Variants in GRIK1 observed in about 807,000 individuals in gnomAD.
GRIK1 encodes the protein glutamate ionotropic receptor kainate type subunit 1.
Under a neutral mutation model 105.7 loss-of-function variants are expected in GRIK1, and 69 were observed. The observed-to-expected ratio is 0.65, with a 90% CI of 0.54 to 0.80. The LOEUF (loss-of-function observed/expected upper bound fraction) is 0.80, where lower values mean the gene tolerates loss of function less well. Among genes scored for constraint, GRIK1 ranks in the 30% least tolerant of loss-of-function variants. The pLI, the probability that GRIK1 is intolerant of heterozygous loss-of-function variation, is 0.00. For synonymous variants in GRIK1, 438 were observed against 431.3 expected, an observed-to-expected ratio of 1.02 and a Z score of -0.19; for missense variants, 1,109 against 1,167.3, an observed-to-expected ratio of 0.95 and a Z score of 0.73.
Position 29,726,619 on chromosome 21 carries a change from A to G in GRIK1, c.119-32556T>C, listed in dbSNP as rs188258723. Among the ~76,000 whole-genome samples the G allele has an allele frequency of 7.2e-5, 11 of 152,200 alleles. No homozygotes were observed. The East Asian group carries it at 2.1e-3, about 29-fold the overall frequency. ...CTCTCTATATAGTTTTATATAATTT[A>G]TTATTCATAAAACAACATTGTAATC... On this transcript the variant is annotated intron_variant, in intron 1 of 17. Coordinates refer to ENST00000327783, the MANE Select transcript of GRIK1 (RefSeq NM_001330994.2).
chr21:29,726,769 T>G (rs1483855365), intron 1 of GRIK1, among the ~76,000 whole-genome samples: 1 of 151,812 alleles, frequency 6.6e-6, no homozygotes, highest in African/African-American at 2.4e-5. Context: ...TTACAATTGT[T>G]ATTGGTACAT....
At chr21:29,756,527 A>G (rs553845556) in intron 1 of GRIK1, among the ~76,000 whole-genome samples, 6 of 152,326 alleles carry the variant, frequency 3.9e-5, no homozygotes, top group South Asian at 2.1e-4. Context: ...GAGGAGCTCC[A>G]GAAAAACCCA....
At chr21:29,668,224 G>A (rs1304604904) in intron 4 of GRIK1, among the ~76,000 whole-genome samples, 2 of 152,214 alleles carry the variant, frequency 1.3e-5, no homozygotes, top group African/African-American at 4.8e-5. Context: ...AACTTACAGT[G>A]TAGTAAAGGA....
chr21:29,693,590 G>A (rs1327601664), intron 2 of GRIK1, among the ~76,000 whole-genome samples: 1 of 152,066 alleles, frequency 6.6e-6, no homozygotes, highest in Admixed American at 6.6e-5. Flanking sequence ...ATTTCATGGT[G>A]GTATCTCAGC....
At chr21:29,675,989 A>C (rs2063258587) in intron 3 of GRIK1, among the ~76,000 whole-genome samples, 1 of 152,198 alleles carries the variant, frequency 6.6e-6, no homozygotes, top group Non-Finnish European at 1.5e-5. Context: ...GAGAAAGAAC[A>C]TTTCTAGACC....
intron 4 of GRIK1, among the ~76,000 whole-genome samples, chr21:29,656,823 AC>A (rs1344472089): frequency 1.3e-5 from 2 of 152,226 alleles, no homozygotes; most frequent in African/African-American, 4.8e-5. Context: ...CTTCTCAACA[AC>A]GTCTCTACTA....
chr21:29,786,731 AG>A (rs2066270870), intron 1 of GRIK1, among the ~76,000 whole-genome samples: 1 of 152,168 alleles, frequency 6.6e-6, no homozygotes, highest in African/African-American at 2.4e-5. Context: ...GCTTCCTCAA[AG>A]CACTCGCCAG....
intron 7 of GRIK1, among the ~76,000 whole-genome samples, chr21:29,619,307 T>C (rs964027332): frequency 1.4e-5 from 2 of 141,762 alleles, no homozygotes; most frequent in Non-Finnish European, 3.1e-5. Flanking sequence ...TCTGGCAGCG[T>C]GCACCTGTAG....
intron 2 of GRIK1, among the ~76,000 whole-genome samples, chr21:29,691,810 A>G (rs2146722667): frequency 6.6e-6 from 1 of 152,358 alleles, no homozygotes; most frequent in South Asian, 2.1e-4. Flanking sequence ...CAACTTTGAC[A>G]GCCATATTGC....
chr21:29,798,992 A>G (rs1402115200), intron 1 of GRIK1, among the ~76,000 whole-genome samples: 2 of 152,182 alleles, frequency 1.3e-5, no homozygotes, highest in Admixed American at 6.5e-5. Flanking sequence ...AATCAACAAA[A>G]GATTACCTCC....
chr21:29,646,269 C>A (rs1006087195), intron 6 of GRIK1, among the ~76,000 whole-genome samples: 3 of 152,128 alleles, frequency 2.0e-5, no homozygotes, highest in African/African-American at 7.2e-5. Context: ...CAATAAAAAA[C>A]CTGGACCCCA....
At chr21:29,937,818 T>C (rs1015508548) in intron 1 of GRIK1, among the ~76,000 whole-genome samples, 1 of 148,480 alleles carries the variant, frequency 6.7e-6, no homozygotes, top group Non-Finnish European at 1.5e-5. Flanking sequence ...TTGACCAGGG[T>C]GAGTAGAGTT....
chr21:29,740,838 T>G (rs2064909008), intron 1 of GRIK1, among the ~76,000 whole-genome samples: 1 of 152,202 alleles, frequency 6.6e-6, no homozygotes, highest in African/African-American at 2.4e-5. Context: ...TGCAGACGAC[T>G]CAGGGGGTTG....
chr21:29,757,772 A>G (rs1420647233), intron 1 of GRIK1, among the ~76,000 whole-genome samples: 5 of 152,178 alleles, frequency 3.3e-5, no homozygotes, highest in Non-Finnish European at 7.4e-5. Context: ...AGACAGTCCT[A>G]TGTTTTTGAA....
chr21:29,635,899 A>G (rs1234219451), intron 7 of GRIK1, among the ~76,000 whole-genome samples: 3 of 152,196 alleles, frequency 2.0e-5, no homozygotes, highest in African/African-American at 7.2e-5. Context: ...CCCAATGAGT[A>G]AAAGAAACTT....
At chr21:29,688,694 C>A (rs529530784) in intron 3 of GRIK1, among the ~76,000 whole-genome samples, 18 of 152,186 alleles carry the variant, frequency 1.2e-4, no homozygotes, top group African/African-American at 4.3e-4. Context: ...TGAAATATAA[C>A]TTGGGATTCA....
rs373721151 is a variant in GRIK1 at position 29,600,616 on chromosome 21, C to T, written c.1099-1679G>A. Among the ~76,000 whole-genome samples, 24 of 152,262 alleles carry T rather than the reference C, an allele frequency of 1.6e-4. No individual in the cohort carries two copies. In the South Asian group the frequency reaches 1.9e-3, roughly 12 times the overall value. ...ACTGTATTTGCAGTTATTTGCGCCA[C>T]GTATATATGTTGAATGTATTTACCC... On this transcript the variant is annotated intron_variant, in intron 7 of 17. Coordinates refer to ENST00000327783, the MANE Select transcript of GRIK1 (RefSeq NM_001330994.2).
intron 1 of GRIK1, chr21:29,760,316 G>A (rs1426771942): frequency 6.6e-6 from 1 of 152,292 alleles, no homozygotes. Context: ...TGGAGACAAA[G>A]TGGCAAGAGA....
At chr21:29,641,435 C>T (rs2062508362) in intron 7 of GRIK1, among the ~76,000 whole-genome samples, 1 of 152,172 alleles carries the variant, frequency 6.6e-6, no homozygotes, top group Non-Finnish European at 1.5e-5. Flanking sequence ...GCCTCCTCAG[C>T]CACGTGGAAC....
Sources: gnomAD v4.1 joint callset for allele counts (sites outside exome capture counted in the v4.1 genomes callset) on GRCh38, gnomAD v4.1.1 for gene constraint, MANE v1.5 for transcripts, NCBI Gene and HGNC (gene_info 2026-07-23, HGNC 2026-07-21) for gene names.